Variants in MS4A6E observed in about 807,000 individuals in gnomAD.
MS4A6E encodes membrane-spanning 4-domains subfamily A member 6E.
In MS4A6E, 8 loss-of-function variants were observed where a neutral mutation model predicts 13.2. The observed-to-expected ratio is 0.60, with a 90% confidence interval of 0.35 to 1.09. The LOEUF (loss-of-function observed/expected upper bound fraction) is 1.09, where lower values mean the gene tolerates loss of function less well. Among genes scored for constraint, MS4A6E ranks in the 50% least tolerant of loss-of-function variants. The pLI, the probability that MS4A6E is intolerant of heterozygous loss-of-function variation, is 0.02. For synonymous variants in MS4A6E, 72 were observed against 67.6 expected (o/e 1.06, Z -0.32); for missense variants, 177 against 171.1 (o/e 1.03, Z -0.19).
chr11:60,333,088 T>C (rs964855762), intron 1 of MS4A6E, among the ~76,000 whole-genome samples: 55 of 152,372 alleles, frequency 3.6e-4, no homozygotes, highest in African/African-American at 1.2e-3. Context: ...TTTTGTGAAA[T>C]AGCTTATGCT....
At chr11:60,337,706 T>C (rs1253969419) in intron 2 of MS4A6E, 35 bp from the exon 3 acceptor site, 3 of 1,611,826 alleles carry the variant, frequency 1.9e-6, no homozygotes, top group Middle Eastern at 1.7e-4. Context: ...TCGTGGCCCT[T>C]TGGGAATGAT....
chr11:60,331,274 A>G (rs993810272), intron 1 of MS4A6E, among the ~76,000 whole-genome samples: 9 of 152,058 alleles, frequency 5.9e-5, no homozygotes, highest in African/African-American at 2.2e-4. Flanking sequence ...TTCTTATTAC[A>G]ATTTCCTCCA....
intron 4 of MS4A6E, among the ~76,000 whole-genome samples, chr11:60,340,187 A>C (rs11230281): frequency 0.64 from 97,129 of 152,058 alleles, 32,673 homozygotes; most frequent in Non-Finnish European, 0.74. Context: ...AAAATGAGAA[A>C]TCAACTGGTT....
At chr11:60,329,042 G>A (rs1407950144) in intron 1 of MS4A6E, among the ~76,000 whole-genome samples, 4 of 152,032 alleles carry the variant, frequency 2.6e-5, no homozygotes, top group African/African-American at 9.7e-5. Flanking sequence ...TGTGCAGAAC[G>A]TGCAGGTTTG....
chr11:60,333,769 G>T (rs2085171464), intron 1 of MS4A6E, among the ~76,000 whole-genome samples: 2 of 152,238 alleles, frequency 1.3e-5, no homozygotes, highest in South Asian at 2.1e-4. Flanking sequence ...GCAGGAACAA[G>T]AGATATTTTA....
rs759976527 is a variant in MS4A6E at position 60,337,928 on chromosome 11, G to C, written c.335G>C (p.Arg112Thr). 5.6e-6 allele frequency: 9 copies of C among 1,614,192 alleles called. No individual in the cohort carries two copies. In the South Asian group the frequency reaches 7.7e-5, roughly 14 times the overall value. ...TCACCTTACACCATGGACTGCCATA[G>C]AGCCAAAGCCAGTCTGGCTGTAAGT... ...YHSPYTMDCH[R>T]AKASLAGTLS... Residue 112 changes from arginine (R) to threonine (T), a missense_variant, in exon 3 of 5, where the codon AGA becomes ACA. Transcript: ENST00000684409.
Position 60,334,928 on chromosome 11 carries a change from C to T in MS4A6E, c.33C>T (p.Ile11=), listed in dbSNP as rs1275481508. Residue 11 remains isoleucine (I), a synonymous_variant, in exon 2 of 5, where the codon ATC becomes ATT. Transcript: ENST00000684409. Reference sequence around the variant, plus strand: ...CACAACCTATTTCCAATGAGACCATCATAATGCTCCCATCAAATGTCATCA... The same window carrying T: ...CACAACCTATTTCCAATGAGACCATTATAATGCTCCCATCAAATGTCATCA... The part of the protein sequence containing the change: MTSQPISNET[I]IMLPSNVINF... 2 of 1,614,088 alleles carry T rather than the reference C, an allele frequency of 1.2e-6. No homozygotes were observed. The highest frequency in any genetic ancestry group is 1.7e-6 in the Non-Finnish European group (2 of 1,179,942).
intron 1 of MS4A6E, among the ~76,000 whole-genome samples, chr11:60,329,080 G>T (rs2085137559): frequency 6.6e-6 from 1 of 152,134 alleles, no homozygotes; most frequent in South Asian, 2.1e-4. Context: ...TGCCATGGTG[G>T]TTTGCTGCAC....
intron 1 of MS4A6E, 199 bp from the exon 2 acceptor site, chr11:60,334,683 T>A (rs2304936): frequency 1.7e-6 from 1 of 583,276 alleles, no homozygotes. Context: ...TTATTATCTA[T>A]AATGGACTGT....
chr11:60,342,206 G>A (rs559994359), downstream of MS4A6E, among the ~76,000 whole-genome samples: 1,314 of 136,182 alleles, frequency 9.6e-3, 41 homozygotes, highest in African/African-American at 0.036. Context: ...AGAGAGGGGG[G>A]GGGAGAGAAA....
intron 1 of MS4A6E, among the ~76,000 whole-genome samples, chr11:60,332,045 A>G (rs532743442): frequency 1.3e-5 from 2 of 152,374 alleles, no homozygotes; most frequent in South Asian, 4.1e-4. Flanking sequence ...TATTTTTGTT[A>G]TAACAGTCTG....
chr11:60,335,013 C>T lies in MS4A6E; in HGVS notation c.118C>T (p.Arg40Cys), dbSNP rs955579804. Residue 40 changes from arginine to cysteine, a missense_variant, in exon 2 of 5, where the codon CGT becomes TGT. By Grantham distance (180) the Arg-to-Cys change is radical. Coordinates refer to ENST00000684409, the MANE Select transcript of MS4A6E (RefSeq NM_139249.4). The part of the protein sequence containing the change: ...TNQGQDSLKK[R>C]LQAKVKVIGV... ...CCAGGGGCAGGATAGCCTGAAGAAA[C>T]GTCTACAGGCAAAAGTCAAAGTTAT... 16 of 1,614,114 alleles carry T rather than the reference C, an allele frequency of 9.9e-6. No individual in the cohort carries two copies. Among genetic ancestry groups the T allele is most frequent in the South Asian group, 3.3e-5 (3 of 91,070 alleles).
At position 60,330,404 on chromosome 11, in the gene MS4A6E, C is replaced by T. The variant is rs537838020; in HGVS notation, c.-15+2996C>T. Among the ~76,000 whole-genome samples, 85 of 134,188 alleles carry T rather than the reference C, an allele frequency of 6.3e-4. 2 individuals carry two copies. Among genetic ancestry groups the T allele is most frequent in the African/African-American group, 2.2e-3 (75 of 34,654 alleles). 88.0% of individuals were successfully genotyped at this position (134,188 alleles called of 152,430 possible). ...TTGCCCAGGCTGGAGTGCAGTGGCG[C>T]GATCTCGGCTCACTGCAAGCTCCGC... On this transcript the variant is annotated intron_variant, in intron 1 of 4. Transcript: ENST00000684409.
In MS4A6E at chr11:60,341,307, C is replaced by T. The variant is rs1157695122; in HGVS notation, c.*541C>T. Among the ~76,000 whole-genome samples, 2 of 152,098 alleles carry T rather than the reference C, an allele frequency of 1.3e-5. No individual in the cohort carries two copies. Among genetic ancestry groups the T allele is most frequent in the East Asian group, 1.9e-4 (1 of 5,194 alleles). ...AAGTCTCCGAGTGTATGAAAGTAGC[C>T]GGCTTCAAAATAAAATCTTTGAGTG... On this transcript the variant is annotated 3_prime_UTR_variant, in exon 5 of 5. Coordinates refer to ENST00000684409, the MANE Select transcript of MS4A6E (RefSeq NM_139249.4).
At chr11:60,343,664 G>T (rs912225686), downstream of MS4A6E, among the ~76,000 whole-genome samples, 9 of 152,346 alleles carry the variant, frequency 5.9e-5, no homozygotes, top group East Asian at 1.4e-3. Flanking sequence ...TGCGAATCTC[G>T]AGAGGAAATG....
Position 60,330,335 on chromosome 11 carries a change from C to CTTTTT in MS4A6E, c.-15+2948_-15+2952dup. Reference sequence around the variant, plus strand: ...TAGATCCCATTTGTTAATTTTGGCTCTTTTTTTTTTTTTTTTTTTTTTTTT... The same window carrying CTTTTT: ...TAGATCCCATTTGTTAATTTTGGCTCTTTTTTTTTTTTTTTTTTTTTTTTTTTTTT... On this transcript the variant is annotated intron_variant, in intron 1 of 4. Coordinates refer to ENST00000684409, the MANE Select transcript of MS4A6E (RefSeq NM_139249.4). Among the ~76,000 whole-genome samples the CTTTTT allele has an allele frequency of 1.6e-3, 95 of 61,172 alleles. 7 individuals carry two copies. The highest frequency in any genetic ancestry group is 3.5e-3 in the African/African-American group (61 of 17,616). 40.1% of individuals were successfully genotyped at this position (61,172 alleles called of 152,430 possible). A position where few individuals can be genotyped will look rare whatever the true frequency, so the allele number is the denominator to read the frequency against.
chr11:60,337,227 G>T (rs2085193354), intron 2 of MS4A6E, among the ~76,000 whole-genome samples: 1 of 152,194 alleles, frequency 6.6e-6, no homozygotes, highest in Non-Finnish European at 1.5e-5. Context: ...GCACGCAAAA[G>T]TGAGCTATTA....
At chr11:60,330,701 T>C (rs1302206054) in intron 1 of MS4A6E, among the ~76,000 whole-genome samples, 1 of 152,200 alleles carries the variant, frequency 6.6e-6, no homozygotes, top group East Asian at 1.9e-4. Context: ...TATGCCTATG[T>C]CCTGAATGGT....
intron 4 of MS4A6E, among the ~76,000 whole-genome samples, chr11:60,348,778 G>A (rs746096395): frequency 6.6e-6 from 1 of 152,230 alleles, no homozygotes; most frequent in Non-Finnish European, 1.5e-5. Flanking sequence ...GATTGGCCAT[G>A]GTATCTCCAG....
Sources: gnomAD v4.1 joint callset for allele counts (sites outside exome capture counted in the v4.1 genomes callset) on GRCh38, gnomAD v4.1.1 for gene constraint, MANE v1.5 for transcripts, NCBI Gene and HGNC (gene_info 2026-07-23, HGNC 2026-07-21) for gene names.